ACER3: variants seen among roughly 807,000 people sequenced by gnomAD.
ACER3 encodes alkaline ceramidase 3, also known as alkCDase 3.
In ACER3, 16 loss-of-function variants were observed where a neutral mutation model predicts 48.9. The ratio of observed to expected loss-of-function variants is 0.33; its 90% CI spans 0.22 to 0.50. ACER3 has a LOEUF of 0.50. ACER3 is among the 20% of genes least tolerant of loss of function. The probability of loss-of-function intolerance (pLI) is 0.98; values close to 1 mark genes in which losing one functional copy is unlikely to be tolerated. For missense variants in ACER3, 227 were observed against 326.0 expected, an observed-to-expected ratio of 0.70 and a Z score of 2.34; for synonymous variants, 109 against 107.8, an observed-to-expected ratio of 1.01 and a Z score of -0.07.
At position 76,860,972 on chromosome 11, in the gene ACER3, G is replaced by C; in HGVS notation, c.-5G>C. Reference sequence around the variant, plus strand: ...GAGCGCCTGGGCGGCGGCGGCGGCGGCGTGATGGCTCCGGCCGCGGACCGA... The same window carrying C: ...GAGCGCCTGGGCGGCGGCGGCGGCGCCGTGATGGCTCCGGCCGCGGACCGA... On this transcript the variant is annotated 5_prime_UTR_variant, in exon 1 of 11. Transcript: ENST00000532485. 1 of 1,529,442 alleles carries C rather than the reference G, an allele frequency of 6.5e-7. No homozygotes were observed. Among genetic ancestry groups the C allele is most frequent in the African/African-American group, 1.4e-5 (1 of 71,882 alleles). 94.7% of individuals were successfully genotyped at this position (1,529,442 alleles called of 1,614,324 possible).
intron 2 of ACER3, among the ~76,000 whole-genome samples, chr11:76,950,761 A>G (rs1947643682): frequency 6.6e-6 from 1 of 152,080 alleles, no homozygotes; most frequent in Non-Finnish European, 1.5e-5. Context: ...CCACCATGCC[A>G]GGCCCAGAAT....
intron 7 of ACER3, among the ~76,000 whole-genome samples, chr11:77,006,268 C>T (rs1949147569): frequency 6.6e-6 from 1 of 151,906 alleles, no homozygotes; most frequent in South Asian, 2.1e-4. Flanking sequence ...GGATTACAGG[C>T]GTGAGCCACC....
intron 1 of ACER3, among the ~76,000 whole-genome samples, chr11:76,907,768 G>C (rs1342265137): frequency 6.6e-6 from 1 of 152,144 alleles, no homozygotes; most frequent in Non-Finnish European, 1.5e-5. Flanking sequence ...CTTCTTGGTA[G>C]GCTGAGGCAG....
intron 1 of ACER3, among the ~76,000 whole-genome samples, chr11:76,913,840 C>T (rs1026375058): frequency 2.0e-5 from 3 of 152,120 alleles, no homozygotes; most frequent in Admixed American, 2.0e-4. Flanking sequence ...GGTACTGGTA[C>T]CAAAACAGAG....
chr11:76,889,274 C>T (rs766942954), intron 1 of ACER3, among the ~76,000 whole-genome samples: 59 of 151,956 alleles, frequency 3.9e-4, no homozygotes, highest in Non-Finnish European at 6.6e-4. Flanking sequence ...TTTCAGTTGC[C>T]TCTTGGTTTT....
Position 77,016,762 on chromosome 11 carries a change from T to C in ACER3, c.687T>C (p.Tyr229=). The change falls in exon 9 of 11, where the codon TAT becomes TAC. Residue 229 remains tyrosine (Y), a synonymous_variant. Coordinates refer to ENST00000532485, the MANE Select transcript of ACER3 (RefSeq NM_018367.7). ...ATATTTTAACTGGCCTTGGTTCCTA[T>C]CTTCACATCCTTTTCAGGTAGGAAA... ...WWHILTGLGS[Y]LHILFSLYTR... is the part of the protein sequence containing the mutation. 1 of 1,587,472 alleles carries C rather than the reference T, an allele frequency of 6.3e-7. No homozygotes were observed. Among genetic ancestry groups the C allele is most frequent in the Non-Finnish European group, 8.6e-7 (1 of 1,162,000 alleles).
intron 2 of ACER3, among the ~76,000 whole-genome samples, chr11:76,946,659 C>T (rs1461448175): frequency 6.6e-6 from 1 of 152,210 alleles, no homozygotes; most frequent in Non-Finnish European, 1.5e-5. Flanking sequence ...GCAGTAAGGA[C>T]CCTCCCAGGG....
intron 1 of ACER3, among the ~76,000 whole-genome samples, chr11:76,868,572 C>T (rs1297050183): frequency 1.3e-5 from 2 of 152,090 alleles, no homozygotes; most frequent in Non-Finnish European, 2.9e-5. Context: ...CCTTCTTTCA[C>T]CTACCCAAGG....
chr11:76,997,893 A>G (rs1948947872), intron 6 of ACER3, among the ~76,000 whole-genome samples: 1 of 152,170 alleles, frequency 6.6e-6, no homozygotes, highest in African/African-American at 2.4e-5. Flanking sequence ...ACTCAAAAGC[A>G]AACAGTATTA....
intron 1 of ACER3, among the ~76,000 whole-genome samples, chr11:76,867,954 C>T (rs771473647): frequency 6.6e-5 from 10 of 152,222 alleles, no homozygotes; most frequent in Non-Finnish European, 1.2e-4. Flanking sequence ...TATACCTTTA[C>T]TATGGGATTC....
chr11:77,004,758 G>A (rs1232822571), intron 7 of ACER3, among the ~76,000 whole-genome samples: 1 of 152,010 alleles, frequency 6.6e-6, no homozygotes, highest in Non-Finnish European at 1.5e-5. Flanking sequence ...ATTAATGTTT[G>A]TGTGGCATAT....
chr11:76,979,129 C>G (rs528061713), intron 4 of ACER3, among the ~76,000 whole-genome samples: 3 of 152,324 alleles, frequency 2.0e-5, no homozygotes, highest in African/African-American at 7.2e-5. Context: ...AAAGGTGCCA[C>G]CAGCCACAGA....
intron 2 of ACER3, among the ~76,000 whole-genome samples, chr11:76,944,481 T>TAA (rs933567671): frequency 8.3e-6 from 1 of 120,580 alleles, no homozygotes; most frequent in Non-Finnish European, 1.8e-5. Context: ...TGGCAGGATA[T>TAA]AAAATTTTTG....
rs1949501212 is a variant in ACER3, at chr11:77,023,392, A to G, written c.*3065A>G. ...GTACATAATGCATGAAAATCTTTAA[A>G]TGCCTGCAAAAATTAAGTTCTGTTA... On this transcript the variant is annotated 3_prime_UTR_variant, in exon 11 of 11. Transcript: ENST00000532485. The G allele has an allele frequency of 8.0e-6, 3 of 374,386 alleles. No individual in the cohort carries two copies. The highest frequency in any genetic ancestry group is 1.4e-5 in the Non-Finnish European group (3 of 210,270). 23.2% of individuals were successfully genotyped at this position (374,386 alleles called of 1,614,324 possible).
In ACER3 at chr11:77,020,343, A is replaced by T. The variant is rs782703815; in HGVS notation, c.*16A>T. The T allele has an allele frequency of 6.2e-7, 1 of 1,612,806 alleles. No homozygotes were observed. The highest frequency in any genetic ancestry group is 1.1e-5 in the South Asian group (1 of 91,062). Reference sequence around the variant, plus strand: ...GAAGCATTGATGAATCATTCCACCAAGAAAACAAACAAGCACCTACCATAG... The same window carrying T: ...GAAGCATTGATGAATCATTCCACCATGAAAACAAACAAGCACCTACCATAG... On this transcript the variant is annotated 3_prime_UTR_variant, in exon 11 of 11. Transcript: ENST00000532485.
intron 1 of ACER3, among the ~76,000 whole-genome samples, chr11:76,925,680 G>C (rs1946811247): frequency 6.6e-6 from 1 of 152,002 alleles, no homozygotes; most frequent in East Asian, 1.9e-4. Context: ...CTTTCTCATG[G>C]TCAGTTTCCT....
At chr11:76,905,688 A>G (rs1565169375) in intron 1 of ACER3, among the ~76,000 whole-genome samples, 2 of 152,240 alleles carry the variant, frequency 1.3e-5, no homozygotes, top group African/African-American at 2.4e-5. Context: ...GTTCATTAAT[A>G]TGGGAATGGA....
intron 2 of ACER3, chr11:76,957,498 C>T (rs546595608): frequency 1.3e-3 from 598 of 450,312 alleles, no homozygotes; most frequent in Admixed American, 3.7e-3. Context: ...GGCTGAAGTG[C>T]AGTGGCACAA....
chr11:76,971,291 C>T (rs769819517), intron 3 of ACER3, among the ~76,000 whole-genome samples: 3 of 152,102 alleles, frequency 2.0e-5, no homozygotes, highest in African/African-American at 4.8e-5. Context: ...CCTGTAATCG[C>T]AGCACTTTGG....
Sources: allele counts gnomAD v4.1 joint callset (sites outside exome capture counted in the v4.1 genomes callset), GRCh38; gene constraint gnomAD v4.1.1; transcripts MANE v1.5; gene names NCBI Gene and HGNC (gene_info 2026-07-23, HGNC 2026-07-21).